Variants in TENM2 observed in about 807,000 individuals in gnomAD.
TENM2 encodes teneurin-2.
A neutral mutation model predicts 245.2 loss-of-function variants in TENM2; 52 were observed. That is an observed-to-expected ratio of 0.21 (90% CI 0.17 to 0.27). The LOEUF (loss-of-function observed/expected upper bound fraction) is 0.27, where lower values mean the gene tolerates loss of function less well. Among genes scored for constraint, TENM2 ranks in the 10% least tolerant of loss-of-function variants. The pLI, the probability that TENM2 is intolerant of heterozygous loss-of-function variation, is 1.00. For missense variants in TENM2, 3,046 were observed against 3,666.8 expected, an observed-to-expected ratio of 0.83 and a Z score of 4.37; for synonymous variants, 1,363 against 1,438.9, an observed-to-expected ratio of 0.95 and a Z score of 1.19.
At chr5:167,061,914 G>C in the TENM2 span, among the ~76,000 whole-genome samples, 1 of 151,272 alleles carries the variant, frequency 6.6e-6, no homozygotes, top group African/African-American at 2.4e-5. Context: ...CAGCTAAGAA[G>C]AGTGGACAAT....
chr5:168,144,947 T>C lies in TENM2; in HGVS notation c.2423-17664T>C, dbSNP rs2152410451. ...GATGGCCAGTGATGACGAGCATTTTTTCATGTGTTTTTTGGCTGCATAAAT... is the reference window on the plus strand; with the variant it reads ...GATGGCCAGTGATGACGAGCATTTTCTCATGTGTTTTTTGGCTGCATAAAT... On this transcript the variant is annotated intron_variant, in intron 12 of 28. Transcript: ENST00000518659. Among the ~76,000 whole-genome samples the C allele has an allele frequency of 2.0e-5, 3 of 151,462 alleles. No individual in the cohort carries two copies. In the East Asian group the frequency reaches 5.8e-4, roughly 29 times the overall value.
At chr5:166,991,600 T>A in the TENM2 span, among the ~76,000 whole-genome samples, 1 of 152,182 alleles carries the variant, frequency 6.6e-6, no homozygotes, top group Admixed American at 6.5e-5. Context: ...TGGCTATAAT[T>A]TGCAGAAATG....
chr5:167,840,934 A>G (rs757477826), intron 2 of TENM2, among the ~76,000 whole-genome samples: 2 of 152,164 alleles, frequency 1.3e-5, no homozygotes, highest in African/African-American at 2.4e-5. Flanking sequence ...TGCTGCTGAC[A>G]GAGACCTTGC....
chr5:168,261,492 C>T (rs1768182717), intron 28 of TENM2, among the ~76,000 whole-genome samples: 1 of 152,192 alleles, frequency 6.6e-6, no homozygotes, highest in Non-Finnish European at 1.5e-5. Context: ...TTGAACAGGG[C>T]AGGTCCCAGT....
chr5:168,071,465 A>T (rs1305211611), intron 7 of TENM2, among the ~76,000 whole-genome samples: 1 of 152,236 alleles, frequency 6.6e-6, no homozygotes, highest in Non-Finnish European at 1.5e-5. Context: ...CTGTTCACAT[A>T]TAGTCATCAT....
At chr5:167,144,678 C>T in the TENM2 span, among the ~76,000 whole-genome samples, 1 of 152,062 alleles carries the variant, frequency 6.6e-6, no homozygotes, top group East Asian at 1.9e-4. Context: ...CTTGTTAGCC[C>T]GTGCCCATTC....
intron 9 of TENM2, among the ~76,000 whole-genome samples, chr5:168,112,540 C>T (rs1213563718): frequency 7.4e-6 from 1 of 135,728 alleles, no homozygotes; most frequent in Non-Finnish European, 1.5e-5. Flanking sequence ...CTGCAAAGGA[C>T]ATGATCCCAT....
intron 7 of TENM2, among the ~76,000 whole-genome samples, chr5:168,079,296 G>A (rs1332348232): frequency 6.6e-6 from 1 of 152,232 alleles, no homozygotes; most frequent in Non-Finnish European, 1.5e-5. Flanking sequence ...CTGAGACTTT[G>A]CTGAAGTTGC....
chr5:167,186,257 A>T, the TENM2 span, among the ~76,000 whole-genome samples: 1 of 152,192 alleles, frequency 6.6e-6, no homozygotes, highest in Non-Finnish European at 1.5e-5. Flanking sequence ...TAAAACAATA[A>T]AAAAGAGAAG....
At chr5:167,457,766 C>T (rs1766012460) in intron 2 of TENM2, among the ~76,000 whole-genome samples, 1 of 152,204 alleles carries the variant, frequency 6.6e-6, no homozygotes, top group Admixed American at 6.5e-5. Flanking sequence ...ACCATACACA[C>T]CAAAACAATG....
rs555330024 is a variant in TENM2, at chr5:167,511,955, T to C, written c.502+136482T>C. ...TGTGGAAGCAGTCTTAGAAAGTCAT[T>C]GTCAGCCTTTTATAGGCAGAACACA... On this transcript the variant is annotated intron_variant, in intron 2 of 28. Transcript: ENST00000518659. Among the ~76,000 whole-genome samples the C allele has an allele frequency of 8.1e-4, 124 of 152,182 alleles. 2 individuals carry two copies. The highest frequency in any genetic ancestry group is 4.4e-4 in the Non-Finnish European group (30 of 68,020).
At chr5:167,561,651 C>T (rs995339016) in intron 2 of TENM2, among the ~76,000 whole-genome samples, 2 of 152,218 alleles carry the variant, frequency 1.3e-5, no homozygotes, top group African/African-American at 4.8e-5. Flanking sequence ...CCAGGTACTA[C>T]TGCAAAAATA....
rs542724940 is a variant in TENM2 at position 167,630,158 on chromosome 5, G to C, written c.503-245828G>C. Among the ~76,000 whole-genome samples the C allele has an allele frequency of 4.7e-5, 7 of 150,042 alleles. No homozygotes were observed. The East Asian group carries it at 1.4e-3, about 29-fold the overall frequency. On this transcript the variant is annotated intron_variant, in intron 2 of 28. Coordinates refer to ENST00000518659, the Ensembl canonical transcript of TENM2. ...TCCTTTTTTTTTTTTCCGTTATTAA[G>C]TGGAGCACTTTTACTTTTTTACTTA...
chr5:167,635,633 C>CTT lies in TENM2; in HGVS notation c.503-240325_503-240324dup, dbSNP rs76155764. The stretch of plus-strand genomic sequence containing the variant: ...GGAATCTGGCTATGATCAGTACAGT[C>CTT]TTTTTTTTTTTTTTTTTTTTTTTTT... On this transcript the variant is annotated intron_variant, in intron 2 of 28. Transcript: ENST00000518659. Among the ~76,000 whole-genome samples, 140 of 74,932 alleles carry CTT rather than the reference C, an allele frequency of 1.9e-3. 16 individuals are homozygous for CTT. Among genetic ancestry groups the CTT allele is most frequent in the Admixed American group, 4.9e-3 (28 of 5,694 alleles). The allele number at this position is 74,932 out of a possible 152,430, so 49.2% of individuals were successfully genotyped here. A position where few individuals can be genotyped will look rare whatever the true frequency, so the allele number is the denominator to read the frequency against.
intron 2 of TENM2, among the ~76,000 whole-genome samples, chr5:167,774,855 C>T (rs961390243): frequency 6.6e-6 from 1 of 152,204 alleles, no homozygotes; most frequent in African/African-American, 2.4e-5. Flanking sequence ...ATCCTTAAAA[C>T]TGTCTATGTC....
chr5:167,429,933 A>G (rs893597685), intron 2 of TENM2, among the ~76,000 whole-genome samples: 1 of 152,134 alleles, frequency 6.6e-6, no homozygotes, highest in South Asian at 2.1e-4. Context: ...GAGACTTACA[A>G]AAAGGAGATA....
intron 3 of TENM2, chr5:167,937,716 C>T (rs915307930): frequency 1.3e-5 from 2 of 152,044 alleles, no homozygotes; most frequent in Admixed American, 6.6e-5. Context: ...GTTTCTCCTT[C>T]GGGTCAGACC....
At chr5:167,488,709 T>C (rs1417673245) in intron 2 of TENM2, among the ~76,000 whole-genome samples, 2 of 151,886 alleles carry the variant, frequency 1.3e-5, no homozygotes, top group African/African-American at 4.8e-5. Context: ...ATAGTTCTAT[T>C]TTTATGAGAC....
chr5:167,322,703 A>T lies in TENM2; in HGVS notation c.226+37640A>T, dbSNP rs145202960. 2.4e-4 allele frequency among the ~76,000 whole-genome samples: 37 copies of T among 152,310 alleles called. No homozygotes were observed. In the East Asian group the frequency reaches 7.1e-3, roughly 29 times the overall value. On this transcript the variant is annotated intron_variant, in intron 1 of 28. Coordinates refer to ENST00000518659, the Ensembl canonical transcript of TENM2. ...ATCAAGATTAAATGATTAAAGCTGG[A>T]ATTTTCCTTTTACGTACTTAACCAG...
Sources: gnomAD v4.1 joint callset for allele counts (sites outside exome capture counted in the v4.1 genomes callset) on GRCh38, gnomAD v4.1.1 for gene constraint, MANE v1.5 for transcripts, NCBI Gene and HGNC (gene_info 2026-07-23, HGNC 2026-07-21) for gene names.